Variants in PCDHGA9 observed in about 807,000 individuals in gnomAD.
The protein encoded by PCDHGA9 is protocadherin gamma subfamily A, 9.
In PCDHGA9, 37 loss-of-function variants were observed where a neutral mutation model predicts 62.5. That is an observed-to-expected ratio of 0.59 (90% CI 0.46 to 0.78). The LOEUF is 0.78. PCDHGA9 is among the 30% of genes least tolerant of loss of function. The pLI, the probability that PCDHGA9 is intolerant of heterozygous loss-of-function variation, is 0.00. For synonymous variants in PCDHGA9, 459 were observed against 484.6 expected, an observed-to-expected ratio of 0.95 and a Z score of 0.69; for missense variants, 1,138 against 1,166.2, an observed-to-expected ratio of 0.98 and a Z score of 0.35.
Position 141,490,760 on chromosome 5 carries a change from T to G in PCDHGA9, c.2425-4047T>G. 1 of 1,614,070 alleles carries G rather than the reference T, an allele frequency of 6.2e-7. No individual in the cohort carries two copies. On this transcript the variant is annotated intron_variant, in intron 1 of 3. Coordinates refer to ENST00000573521, the MANE Select transcript of PCDHGA9 (RefSeq NM_018921.3). This position sits in a 1 kb window ranked among gnomAD's most constrained non-coding sequence, Gnocchi z 5.4. Reference sequence around the variant, plus strand: ...CAGGGAGCCCCAGCCTCCTCCTTTGTGTATGTCAACCCAGAGGATGGACGG... The same window carrying G: ...CAGGGAGCCCCAGCCTCCTCCTTTGGGTATGTCAACCCAGAGGATGGACGG...
At chr5:141,471,075 G>T (rs574363005) in intron 1 of PCDHGA9, among the ~76,000 whole-genome samples, 1 of 143,346 alleles carries the variant, frequency 7.0e-6, no homozygotes, top group East Asian at 2.0e-4. Context: ...TTGAGACAGG[G>T]TCTCCCTCTG....
Position 141,403,685 on chromosome 5 carries a change from C to G in PCDHGA9, c.733C>G (p.Arg245Gly), listed in dbSNP as rs778849334. Residue 245 changes from arginine to glycine, a missense_variant, in exon 1 of 4, where the codon CGG becomes GGG. Coordinates refer to ENST00000573521, the MANE Select transcript of PCDHGA9 (RefSeq NM_018921.3). ...TNDNAPVFAQ[R>G]IYRVKVLENV... is the part of the protein sequence containing the mutation. ...TGATAATGCCCCGGTTTTTGCTCAA[C>G]GGATTTACCGAGTTAAAGTCCTTGA... 8 of 1,613,704 alleles carry G rather than the reference C, an allele frequency of 5.0e-6. No homozygotes were observed. In the Admixed American group the frequency reaches 1.0e-4, roughly 20 times the overall value.
intron 1 of PCDHGA9, chr5:141,414,606 A>C: frequency 6.2e-7 from 1 of 1,613,944 alleles, no homozygotes; most frequent in Non-Finnish European, 8.5e-7. Flanking sequence ...CCATCTTCTC[A>C]GTGACAGCGC....
At chr5:141,430,379 T>C (rs1174248880) in intron 1 of PCDHGA9, among the ~76,000 whole-genome samples, 1 of 149,570 alleles carries the variant, frequency 6.7e-6, no homozygotes, top group Non-Finnish European at 1.5e-5. Flanking sequence ...AAAAAGCTCA[T>C]TGGGAAAAAA....
rs909255357 is a variant in PCDHGA9 at position 141,489,178 on chromosome 5, C to A, written c.2425-5629C>A. 5 of 1,234,744 alleles carry A rather than the reference C, an allele frequency of 4.0e-6. No individual in the cohort carries two copies. The highest frequency in any genetic ancestry group is 2.3e-5 in the Admixed American group (1 of 42,922). The allele number at this position is 1,234,744 out of a possible 1,614,324, so 76.5% of individuals were successfully genotyped here. Reference sequence around the variant, plus strand: ...GAGACTTCAGCTGCTGCATTCCAAGCCCTGGGTCTACCTTGGAGACAGGAC... The same window carrying A: ...GAGACTTCAGCTGCTGCATTCCAAGACCTGGGTCTACCTTGGAGACAGGAC... On this transcript the variant is annotated intron_variant, in intron 1 of 3. Transcript: ENST00000573521. This position sits in a 1 kb window ranked among gnomAD's most constrained non-coding sequence, Gnocchi z 4.5.
chr5:141,432,808 C>T lies in PCDHGA9; in HGVS notation c.2424+27432C>T, dbSNP rs1473886709. ...TCGGCAGCCTCGAGTCTCCAGCTAA[C>T]TCTGAAACCTCAGACCTCACTCTGT... On this transcript the variant is annotated intron_variant, in intron 1 of 3. Transcript: ENST00000573521. This position sits in a 1 kb window ranked among gnomAD's most constrained non-coding sequence, Gnocchi z 6.0. 6.2e-7 allele frequency: 1 copy of T among 1,613,486 alleles called. No homozygotes were observed. Among genetic ancestry groups the T allele is most frequent in the African/African-American group, 1.3e-5 (1 of 74,426 alleles).
At chr5:141,419,259 CG>C in intron 1 of PCDHGA9, 1 of 1,614,016 alleles carries the variant, frequency 6.2e-7, no homozygotes, top group Non-Finnish European at 8.5e-7. Context: ...AACAACCAGC[CG>C]GGTGCCTCCA....
chr5:141,497,239 G>A (rs2099775226), intron 2 of PCDHGA9, among the ~76,000 whole-genome samples: 1 of 152,104 alleles, frequency 6.6e-6, no homozygotes, highest in Admixed American at 6.5e-5. Flanking sequence ...AAGGCTTCTA[G>A]GAGGAGGTGA....
At chr5:141,478,864 A>G in intron 1 of PCDHGA9, 1 of 1,322,156 alleles carries the variant, frequency 7.6e-7, no homozygotes, top group Non-Finnish European at 1.0e-6. Flanking sequence ...GATCTCAGCG[A>G]TCAGAGTTTA....
intron 1 of PCDHGA9, chr5:141,420,475 A>G (rs1590231324): frequency 3.0e-6 from 2 of 665,126 alleles, no homozygotes; most frequent in Admixed American, 7.8e-5. Context: ...ATTTTAAAGC[A>G]AACTACATGG....
intron 1 of PCDHGA9, chr5:141,423,660 G>T (rs765304048): frequency 1.3e-6 from 2 of 1,560,582 alleles, no homozygotes; most frequent in Non-Finnish European, 8.6e-7. Context: ...CAAGTAATCA[G>T]GTGAGATTTA....
At chr5:141,510,917 C>A in intron 3 of PCDHGA9, 30 bp from the exon 4 acceptor site, 2 of 1,613,854 alleles carry the variant, frequency 1.2e-6, no homozygotes, top group Non-Finnish European at 8.5e-7. Flanking sequence ...CTAAGTTTAG[C>A]TCCCACCTGA....
At position 141,477,415 on chromosome 5, in the gene PCDHGA9, A is replaced by T. The variant is rs771293212; in HGVS notation, c.2425-17392A>T. On this transcript the variant is annotated intron_variant, in intron 1 of 3. Coordinates refer to ENST00000573521, the MANE Select transcript of PCDHGA9 (RefSeq NM_018921.3). This position sits in a 1 kb window ranked among gnomAD's most constrained non-coding sequence, Gnocchi z 4.9. ...TCAGCATCACCGCCCGAGACGCCGG[A>T]ACCCCTTCCCTCTCAGCCCTTACAA... 12 of 1,614,162 alleles carry T rather than the reference A, an allele frequency of 7.4e-6. No individual in the cohort carries two copies. The highest frequency in any genetic ancestry group is 1.0e-5 in the Non-Finnish European group (12 of 1,180,020).
chr5:141,419,742 T>G (rs1388509503), intron 1 of PCDHGA9: 3 of 1,613,742 alleles, frequency 1.9e-6, no homozygotes, highest in Non-Finnish European at 2.5e-6. Flanking sequence ...GAGGTGCGCA[T>G]GGTGCGTGCT....
Position 141,491,819 on chromosome 5 carries a change from G to C in PCDHGA9, c.2425-2988G>C. The C allele has an allele frequency of 6.7e-7, 1 of 1,482,028 alleles. No individual in the cohort carries two copies. Among genetic ancestry groups the C allele is most frequent in the Non-Finnish European group, 9.0e-7 (1 of 1,116,648 alleles). The allele number at this position is 1,482,028 out of a possible 1,614,324, so 91.8% of individuals were successfully genotyped here. A position where few individuals can be genotyped will look rare whatever the true frequency, so the allele number is the denominator to read the frequency against. On this transcript the variant is annotated intron_variant, in intron 1 of 3. Transcript: ENST00000573521. This position sits in a 1 kb window ranked among gnomAD's most constrained non-coding sequence, Gnocchi z 6.9. ...TCCGGCCGGCTTGGTCGCTGGCTGCGCTCCACCCGATTCTCGGGATCATTG... is the reference window on the plus strand; with the variant it reads ...TCCGGCCGGCTTGGTCGCTGGCTGCCCTCCACCCGATTCTCGGGATCATTG...
In PCDHGA9 at chr5:141,404,043, C is replaced by T. The variant is rs781644500; in HGVS notation, c.1091C>T (p.Thr364Ile). The T allele has an allele frequency of 6.2e-7, 1 of 1,613,844 alleles. No individual in the cohort carries two copies. The highest frequency in any genetic ancestry group is 2.2e-5 in the East Asian group (1 of 44,864). ...SPVREDAPQG[T>I]VILLFNAHDR... ...GTGAGAGAAGACGCACCTCAGGGAA[C>T]AGTAATTCTTCTTTTCAATGCTCAT... Residue 364 changes from threonine (T) to isoleucine (I), a missense_variant, in exon 1 of 4, where the codon ACA (threonine) becomes ATA (isoleucine). Thr to Ile is a moderately conservative substitution (Grantham distance 89). Transcript: ENST00000573521.
chr5:141,457,410 C>G (rs746966828), intron 1 of PCDHGA9, among the ~76,000 whole-genome samples: 1 of 152,182 alleles, frequency 6.6e-6, no homozygotes, highest in Non-Finnish European at 1.5e-5. Context: ...TTTCACATTA[C>G]CCATCCCTTT....
intron 1 of PCDHGA9, among the ~76,000 whole-genome samples, chr5:141,449,205 A>G (rs991001366): frequency 6.6e-6 from 1 of 152,164 alleles, no homozygotes; most frequent in Admixed American, 6.5e-5. Context: ...GTTAATTCTA[A>G]CTTTCTGTTT....
At chr5:141,444,059 T>C (rs2098415588) in intron 1 of PCDHGA9, among the ~76,000 whole-genome samples, 1 of 150,620 alleles carries the variant, frequency 6.6e-6, no homozygotes, top group Admixed American at 6.6e-5. Flanking sequence ...ATCTTCAATC[T>C]AGATTCTGAT....
Sources: allele counts gnomAD v4.1 joint callset (sites outside exome capture counted in the v4.1 genomes callset), GRCh38; gene constraint gnomAD v4.1.1; non-coding constraint Gnocchi (gnomAD v3.1); transcripts MANE v1.5; gene names NCBI Gene and HGNC (gene_info 2026-07-23, HGNC 2026-07-21).